SH3GLB1: variants seen among roughly 807,000 people sequenced by gnomAD.
SH3GLB1 encodes the protein SH3 domain containing GRB2 like, endophilin B1, also known as endophilin-B1.
SH3GLB1 carries 17 observed loss-of-function variants against 42.0 expected under a neutral mutation model. The observed-to-expected ratio is 0.40, with a 90% CI of 0.28 to 0.61. The LOEUF (loss-of-function observed/expected upper bound fraction) is 0.61. SH3GLB1 is among the 20% of genes least tolerant of loss of function. SH3GLB1 has a pLI of 0.36. For missense variants in SH3GLB1, 355 were observed against 426.3 expected (o/e 0.83, Z 1.47); for synonymous variants, 132 against 146.6 (o/e 0.90, Z 0.72).
rs1293224311 is a variant in SH3GLB1 at position 86,744,383 on chromosome 1, G to A, written c.*1148G>A. ...CTGGGGATACTGTCCTGAACAATAT[G>A]CACACAGTTCTTGCCCCTGCAGAGC... is the stretch of plus-strand genomic sequence containing the variant. On this transcript the variant is annotated 3_prime_UTR_variant, in exon 9 of 9. Coordinates refer to ENST00000370558, the MANE Select transcript of SH3GLB1 (RefSeq NM_016009.5). 6.6e-6 allele frequency: 1 copy of A among 152,202 alleles called. No individual in the cohort carries two copies. The highest frequency in any genetic ancestry group is 2.4e-5 in the African/African-American group (1 of 41,450). The allele number at this position is 152,202 out of a possible 1,614,324, so 9.4% of individuals were successfully genotyped here.
chr1:86,717,488 T>C (rs1654601743), intron 2 of SH3GLB1, among the ~76,000 whole-genome samples: 1 of 151,916 alleles, frequency 6.6e-6, no homozygotes, highest in Non-Finnish European at 1.5e-5. Flanking sequence ...GGTGTGATCT[T>C]GGTTCACTGC....
At position 86,735,150 on chromosome 1, in the gene SH3GLB1, T is replaced by A; in HGVS notation, c.732T>A (p.Tyr244Ter). The A allele has an allele frequency of 6.2e-7, 1 of 1,612,524 alleles. No homozygotes were observed. The highest frequency in any genetic ancestry group is 8.5e-7 in the Non-Finnish European group (1 of 1,178,734). The change falls in exon 7 of 9, where the codon TAT (tyrosine) becomes TAA (stop). Residue 244 changes from tyrosine (Y) to a stop codon, truncating the protein, a stop_gained. Transcript: ENST00000370558. LOFTEE classifies it high-confidence loss of function. Reference sequence around the variant, plus strand: ...CTTACTATGCACAGTGTTACCAGTATATGTTGGACCTCCAGAAACAACTGG... The same window carrying A: ...CTTACTATGCACAGTGTTACCAGTAAATGTTGGACCTCCAGAAACAACTGG... ...QMTYYAQCYQ[Y>*]MLDLQKQLGS...
rs1029532545 is a variant in SH3GLB1, at chr1:86,748,117, A to G, written c.*4882A>G. On this transcript the variant is annotated 3_prime_UTR_variant, in exon 9 of 9. Coordinates refer to ENST00000370558, the MANE Select transcript of SH3GLB1 (RefSeq NM_016009.5). ...TGCATGATATTCCATCATATGTGCC[A>G]CATTTTATTAAACTACTGTTCAATT... is the stretch of plus-strand genomic sequence containing the variant. The G allele has an allele frequency of 6.6e-6, 1 of 152,008 alleles. No homozygotes were observed. Among genetic ancestry groups the G allele is most frequent in the Admixed American group, 6.6e-5 (1 of 15,220 alleles). 9.4% of individuals were successfully genotyped at this position (152,008 alleles called of 1,614,324 possible). A position where few individuals can be genotyped will look rare whatever the true frequency, so the allele number is the denominator to read the frequency against.
At chr1:86,705,970 A>C (rs148595443) in intron 1 of SH3GLB1, among the ~76,000 whole-genome samples, 1 of 152,214 alleles carries the variant, frequency 6.6e-6, no homozygotes, top group African/African-American at 2.4e-5. Flanking sequence ...CTTTGCCCCA[A>C]TTTTGTTGGC....
At chr1:86,738,515 T>A (rs995934576) in intron 7 of SH3GLB1, 1 of 152,492 alleles carries the variant, frequency 6.6e-6, no homozygotes, top group Non-Finnish European at 1.5e-5. Flanking sequence ...TCTGCCCGCC[T>A]CGGCCTCCCA....
Position 86,729,942 on chromosome 1 carries a change from G to A in SH3GLB1, c.571-4660G>A, listed in dbSNP as rs117865187. ...CAGTATGTTAAGCTGTACCGATTTA[G>A]TTACTACTGTGTTTAATCTATAAAT... On this transcript the variant is annotated intron_variant, in intron 5 of 8. Coordinates refer to ENST00000370558, the MANE Select transcript of SH3GLB1 (RefSeq NM_016009.5). The A allele has an allele frequency of 6.0e-5, 42 of 703,370 alleles. 1 individual carries two copies. The East Asian group carries it at 1.2e-3, about 20-fold the overall frequency. 43.6% of individuals were successfully genotyped at this position (703,370 alleles called of 1,614,324 possible).
chr1:86,742,109 A>T (rs527265670), intron 7 of SH3GLB1, 99 bp from the exon 8 acceptor site: 3 of 765,262 alleles, frequency 3.9e-6, no homozygotes, highest in Non-Finnish European at 6.5e-6. Flanking sequence ...ATCTTTTCCA[A>T]TGTGAAGGTT....
At chr1:86,707,754 A>G (rs1653957107) in intron 1 of SH3GLB1, among the ~76,000 whole-genome samples, 1 of 150,674 alleles carries the variant, frequency 6.6e-6, no homozygotes, top group African/African-American at 2.5e-5. Flanking sequence ...ATTCAAGCCA[A>G]TCTCCTGCCT....
At chr1:86,731,808 A>G (rs1456108253) in intron 5 of SH3GLB1, among the ~76,000 whole-genome samples, 1 of 152,102 alleles carries the variant, frequency 6.6e-6, no homozygotes, top group African/African-American at 2.4e-5. Flanking sequence ...GACCAGGAGC[A>G]GTGGCTCACA....
chr1:86,716,072 T>A (rs867885712), intron 2 of SH3GLB1, among the ~76,000 whole-genome samples: 5 of 152,306 alleles, frequency 3.3e-5, no homozygotes, highest in South Asian at 4.1e-4. Context: ...TTTCAGTCTT[T>A]TATAGAATCC....
chr1:86,738,584 T>C (rs1254449058), intron 7 of SH3GLB1: 2 of 151,686 alleles, frequency 1.3e-5, no homozygotes, highest in African/African-American at 4.8e-5. Context: ...CCAGAAGGAT[T>C]TGCTTGACAG....
chr1:86,743,145 T>C lies in SH3GLB1; in HGVS notation c.1008T>C (p.Ser336=). The change falls in exon 9 of 9, where the codon AGT becomes AGC. Residue 336 remains serine (S), a synonymous_variant. Coordinates refer to ENST00000370558, the MANE Select transcript of SH3GLB1 (RefSeq NM_016009.5). ...TTTTGCAGGTGATCACTGTGTTCAG[T>C]GTTGTTGGAATGGATTCAGACTGGC... The part of the protein sequence containing the change: ...LLADEVITVF[S]VVGMDSDWLM... 2 of 1,612,342 alleles carry C rather than the reference T, an allele frequency of 1.2e-6. No individual in the cohort carries two copies. Among genetic ancestry groups the C allele is most frequent in the South Asian group, 1.1e-5 (1 of 90,626 alleles).
intron 5 of SH3GLB1, chr1:86,728,589 T>C: frequency 1.7e-6 from 1 of 587,292 alleles, no homozygotes; most frequent in South Asian, 3.0e-5. Context: ...ATGTATTCAT[T>C]TATCTTTAAC....
At chr1:86,714,929 A>G (rs2101924633) in intron 1 of SH3GLB1, among the ~76,000 whole-genome samples, 1 of 152,350 alleles carries the variant, frequency 6.6e-6, no homozygotes, top group African/African-American at 2.4e-5. Context: ...ACCTTTTCTC[A>G]AATACCAGTA....
At chr1:86,718,367 A>G (rs935370171) in intron 2 of SH3GLB1, among the ~76,000 whole-genome samples, 3 of 152,170 alleles carry the variant, frequency 2.0e-5, no homozygotes, top group African/African-American at 4.8e-5. Context: ...CTGAAATTTA[A>G]CTAGTATCTT....
At chr1:86,717,863 T>G (rs970723853) in intron 2 of SH3GLB1, among the ~76,000 whole-genome samples, 3 of 152,212 alleles carry the variant, frequency 2.0e-5, no homozygotes, top group African/African-American at 7.2e-5. Context: ...ACATATTACA[T>G]TGTAGCAGAG....
chr1:86,720,013 A>C (rs867557210), intron 3 of SH3GLB1, among the ~76,000 whole-genome samples: 20 of 151,722 alleles, frequency 1.3e-4, no homozygotes, highest in Admixed American at 6.6e-4. Context: ...AAAAAAAAAA[A>C]AAAACATAGT....
chr1:86,714,913 A>G (rs1037338848), intron 1 of SH3GLB1, among the ~76,000 whole-genome samples: 2 of 152,236 alleles, frequency 1.3e-5, no homozygotes, highest in African/African-American at 4.8e-5. Flanking sequence ...TTATATAGGC[A>G]GTGCTACCTT....
chr1:86,743,290 ACT>A lies in SH3GLB1; in HGVS notation c.*58_*59del. 3.3e-6 allele frequency: 4 copies of A among 1,205,628 alleles called. No homozygotes were observed. In the South Asian group the frequency reaches 6.2e-5, roughly 19 times the overall value. The allele number at this position is 1,205,628 out of a possible 1,614,324, so 74.7% of individuals were successfully genotyped here. On this transcript the variant is annotated 3_prime_UTR_variant, in exon 9 of 9. Transcript: ENST00000370558. ...ATGACTTTGTATTTATATACAATTA[ACT>A]CTAAATAAAGCAGGTTAAGTATCTT...
Sources: allele counts gnomAD v4.1 joint callset (sites outside exome capture counted in the v4.1 genomes callset), GRCh38; gene constraint gnomAD v4.1.1; transcripts MANE v1.5; gene names NCBI Gene and HGNC (gene_info 2026-07-23, HGNC 2026-07-21).